The following RIC3 variants were observed in gnomAD, a reference collection of about 807,000 sequenced individuals.
The protein encoded by RIC3 is RIC3 acetylcholine receptor chaperone, also known as protein RIC-3.
A neutral mutation model predicts 27.3 loss-of-function variants in RIC3; 28 were observed. The ratio of observed to expected loss-of-function variants is 1.02; its 90% CI spans 0.76 to 1.41. The LOEUF is 1.41. RIC3 is among the 40% of genes most tolerant of loss of function. The pLI, the probability that RIC3 is intolerant of heterozygous loss-of-function variation, is 0.00. For synonymous variants in RIC3, 184 were observed against 160.4 expected (o/e 1.15, Z -1.11); for missense variants, 501 against 444.7 (o/e 1.13, Z -1.14).
intron 5 of RIC3, among the ~76,000 whole-genome samples, chr11:8,120,721 G>T (rs1946347624): frequency 6.7e-6 from 1 of 150,374 alleles, no homozygotes; most frequent in Non-Finnish European, 1.5e-5. Flanking sequence ...AAAAAAAAAA[G>T]AAAGAAAATA....
intron 1 of RIC3, among the ~76,000 whole-genome samples, chr11:8,141,550 G>A (rs1030627235): frequency 3.3e-5 from 5 of 151,272 alleles, no homozygotes; most frequent in African/African-American, 1.2e-4. Flanking sequence ...GACCTACAAA[G>A]AGACTTAGAC....
At position 8,108,640 on chromosome 11, in the gene RIC3, T is replaced by C. The variant is rs190732514; in HGVS notation, c.*2058A>G. On this transcript the variant is annotated 3_prime_UTR_variant, in exon 6 of 6. Transcript: ENST00000309737. ...ATGCAGGGACAGATTATGGCTCATGTTTCTCTGCCTGCAGGATTCACGATC... is the reference window on the plus strand; with the variant it reads ...ATGCAGGGACAGATTATGGCTCATGCTTCTCTGCCTGCAGGATTCACGATC... 1.3e-5 allele frequency: 2 copies of C among 152,344 alleles called. No individual in the cohort carries two copies. The highest frequency in any genetic ancestry group is 3.9e-4 in the East Asian group (2 of 5,180). The allele number at this position is 152,344 out of a possible 1,614,324, so 9.4% of individuals were successfully genotyped here.
the RIC3 span, chr11:8,097,319 C>G: frequency 6.2e-7 from 1 of 1,614,150 alleles, no homozygotes; most frequent in South Asian, 1.1e-5. Context: ...AGGCCGGCCC[C>G]CCAGGGTATC....
At chr11:8,163,144 T>C (rs972785745) in intron 1 of RIC3, among the ~76,000 whole-genome samples, 2 of 151,810 alleles carry the variant, frequency 1.3e-5, no homozygotes, top group Admixed American at 1.3e-4. Flanking sequence ...TAAATTTCAA[T>C]TAATGTAATA....
Position 8,126,639 on chromosome 11 carries a change from A to T in RIC3, c.670+20T>A. The stretch of plus-strand genomic sequence containing the variant: ...TTTCTGGGCTGACAGCTAACAAAAA[A>T]ATGAGAAGACACTGTTTACCTTCCC... On this transcript the variant is annotated intron_variant, in intron 5 of 5. Transcript: ENST00000309737. The T allele has an allele frequency of 1.2e-6, 2 of 1,611,484 alleles. No homozygotes were observed. The highest frequency in any genetic ancestry group is 1.7e-6 in the Non-Finnish European group (2 of 1,178,570).
At position 8,137,358 on chromosome 11, in the gene RIC3, C is replaced by A. The variant is rs775383026; in HGVS notation, c.521+20G>T. ...TTTCTAAATGAGAAATAGTCTGAGTCCCGTTACATGAAAACCTACCTCTCA... is the reference window on the plus strand; with the variant it reads ...TTTCTAAATGAGAAATAGTCTGAGTACCGTTACATGAAAACCTACCTCTCA... On this transcript the variant is annotated intron_variant, in intron 4 of 5. Coordinates refer to ENST00000309737, the MANE Select transcript of RIC3 (RefSeq NM_001206671.4). 2.5e-5 allele frequency: 40 copies of A among 1,595,560 alleles called. No homozygotes were observed. Among genetic ancestry groups the A allele is most frequent in the Admixed American group, 3.3e-5 (2 of 59,930 alleles).
intron 1 of RIC3, among the ~76,000 whole-genome samples, chr11:8,144,248 C>A (rs1565075438): frequency 6.6e-6 from 1 of 150,402 alleles, no homozygotes; most frequent in Non-Finnish European, 1.5e-5. Context: ...AGGCAACCTA[C>A]AAAATGGGAG....
At chr11:8,112,294 C>CTTTTCTTTTCT (rs1554944262) in intron 5 of RIC3, among the ~76,000 whole-genome samples, 1 of 124,316 alleles carries the variant, frequency 8.0e-6, no homozygotes, top group African/African-American at 3.1e-5. Context: ...CTTTTCTTTT[C>CTTTTCTTTTCT]TTTTTTTTTT....
At chr11:8,130,351 A>C (rs1330872816) in intron 4 of RIC3, among the ~76,000 whole-genome samples, 1 of 152,242 alleles carries the variant, frequency 6.6e-6, no homozygotes, top group East Asian at 1.9e-4. Flanking sequence ...TCATCCAGGC[A>C]ACAGTCCATG....
At position 8,140,109 on chromosome 11, in the gene RIC3, G is replaced by C. The variant is rs1047756192; in HGVS notation, c.209C>G (p.Ser70Cys). 6.2e-7 allele frequency: 1 copy of C among 1,614,000 alleles called. No individual in the cohort carries two copies. The change falls in exon 2 of 6, where the codon TCT (serine) becomes TGT (cysteine). Residue 70 changes from serine (S) to cysteine (C), a missense_variant. Physicochemically the swap from Ser to Cys is moderately radical, Grantham distance 112 (BLOSUM62 -1). Transcript: ENST00000309737. ...GQTPGARFQR[S>C]HLAEAFAKAK... ...CTTTGCAAATGCCTCGGCAAGGTGA[G>C]ACCTCTGGAAACGAGCCCCAGGAGT...
chr11:8,108,152 C>G lies in RIC3; in HGVS notation c.*2546G>C, dbSNP rs1408865614. On this transcript the variant is annotated 3_prime_UTR_variant, in exon 6 of 6. Transcript: ENST00000309737. ...GAACCACCATAAGGGCTTAGTACTT[C>G]TGGCAGGAATTTCCATAAGCCAATT... The G allele has an allele frequency of 6.6e-6, 1 of 152,246 alleles. No individual in the cohort carries two copies. Among genetic ancestry groups the G allele is most frequent in the Admixed American group, 6.5e-5 (1 of 15,288 alleles). The allele number at this position is 152,246 out of a possible 1,614,324, so 9.4% of individuals were successfully genotyped here. A position where few individuals can be genotyped will look rare whatever the true frequency, so the allele number is the denominator to read the frequency against.
intron 1 of RIC3, among the ~76,000 whole-genome samples, chr11:8,150,021 C>T (rs913509987): frequency 6.6e-6 from 1 of 152,188 alleles, no homozygotes; most frequent in Non-Finnish European, 1.5e-5. Context: ...TCTCTGACCA[C>T]GCTATTACTG....
At chr11:8,113,452 G>T (rs1311432441) in intron 5 of RIC3, among the ~76,000 whole-genome samples, 1 of 151,994 alleles carries the variant, frequency 6.6e-6, no homozygotes, top group Non-Finnish European at 1.5e-5. Flanking sequence ...CCAGCATCAG[G>T]CCAGCAACTA....
At chr11:8,098,908 A>C in the RIC3 span, 22 of 1,490,176 alleles carry the variant, frequency 1.5e-5, no homozygotes, top group Non-Finnish European at 2.0e-5. Context: ...TCTGATTTCC[A>C]AGGTAGATAT....
rs367708382 is a variant in RIC3 at position 8,138,261 on chromosome 11, G to T, written c.427+11C>A. On this transcript the variant is annotated intron_variant, in intron 3 of 5. Coordinates refer to ENST00000309737, the MANE Select transcript of RIC3 (RefSeq NM_001206671.4). ...ATAATACCTGTGAATATACTGAGAA[G>T]GGGCACTTACTAATTTTCCTGTGGG... is the stretch of plus-strand genomic sequence containing the variant. 259 of 1,589,032 alleles carry T rather than the reference G, an allele frequency of 1.6e-4. 1 individual carries two copies. Among genetic ancestry groups the T allele is most frequent in the South Asian group, 3.4e-4 (31 of 90,498 alleles).
At chr11:8,148,283 A>G (rs1055954014) in intron 1 of RIC3, among the ~76,000 whole-genome samples, 18 of 152,102 alleles carry the variant, frequency 1.2e-4, no homozygotes, top group African/African-American at 4.3e-4. Context: ...CCATGTCACC[A>G]CCCTTTATTC....
chr11:8,131,155 A>G (rs1220239752), intron 4 of RIC3, among the ~76,000 whole-genome samples: 1 of 151,904 alleles, frequency 6.6e-6, no homozygotes, highest in African/African-American at 2.4e-5. Context: ...CTTCTACTTC[A>G]TCTAACACTT....
chr11:8,142,261 A>T (rs1949164563), intron 1 of RIC3, among the ~76,000 whole-genome samples: 1 of 135,502 alleles, frequency 7.4e-6, no homozygotes, highest in Admixed American at 7.4e-5. Context: ...AAGGATCAAC[A>T]AAATTGATAG....
chr11:8,094,291 C>T, the RIC3 span: 2 of 1,409,926 alleles, frequency 1.4e-6, no homozygotes, highest in South Asian at 1.5e-5. Flanking sequence ...ATAGGATGAA[C>T]AGCCTCAGGG....
Sources: allele counts gnomAD v4.1 joint callset (sites outside exome capture counted in the v4.1 genomes callset), GRCh38; gene constraint gnomAD v4.1.1; transcripts MANE v1.5; gene names NCBI Gene and HGNC (gene_info 2026-07-23, HGNC 2026-07-21).